The following MALRD1 variants were observed in gnomAD, a reference collection of about 807,000 sequenced individuals.
MALRD1 encodes MAM and LDL-receptor class A domain-containing protein 1.
MALRD1 carries 247 observed loss-of-function variants against 242.1 expected under a neutral mutation model. The observed-to-expected ratio is 1.02, with a 90% confidence interval of 0.92 to 1.13. MALRD1 has a LOEUF of 1.13. MALRD1 is among the 50% of genes most tolerant of loss of function. The probability of loss-of-function intolerance (pLI) is 0.00; values close to 1 mark genes in which losing one functional copy is unlikely to be tolerated. For missense variants in MALRD1, 2,989 were observed against 2,533.1 expected (o/e 1.18, Z -3.86); for synonymous variants, 995 against 866.6 (o/e 1.15, Z -2.60).
At chr10:19,521,394 A>C (rs1335680604) in intron 31 of MALRD1, among the ~76,000 whole-genome samples, 4 of 152,110 alleles carry the variant, frequency 2.6e-5, no homozygotes, top group Non-Finnish European at 5.9e-5. Flanking sequence ...TCTTAACCAA[A>C]AAAAGACAAA....
intron 24 of MALRD1, among the ~76,000 whole-genome samples, chr10:19,336,553 C>T (rs1352367734): frequency 6.6e-6 from 1 of 152,072 alleles, no homozygotes; most frequent in Non-Finnish European, 1.5e-5. Flanking sequence ...CTAGGGTATA[C>T]CTTCTGAATT....
chr10:19,228,349 A>G (rs923312027), intron 18 of MALRD1, among the ~76,000 whole-genome samples: 1 of 152,216 alleles, frequency 6.6e-6, no homozygotes, highest in African/African-American at 2.4e-5. Flanking sequence ...TGCAAACTGT[A>G]GAAACAGAAG....
chr10:19,048,280 C>T (rs1242036844), upstream of MALRD1, among the ~76,000 whole-genome samples: 1 of 152,146 alleles, frequency 6.6e-6, no homozygotes. Flanking sequence ...AAAATAATAA[C>T]ATCCAATGTC....
At position 19,257,689 on chromosome 10, in the gene MALRD1, G is replaced by T. The variant is rs533304766; in HGVS notation, c.2997G>T (p.Leu999Phe). 2.5e-4 allele frequency: 388 copies of T among 1,531,120 alleles called. 1 individual carries two copies. The African/African-American group carries it at 4.7e-3, about 19-fold the overall frequency. 94.8% of individuals were successfully genotyped at this position (1,531,120 alleles called of 1,614,324 possible). ...NISSRQPFQI[L>F]VEASVGDGFT... Reference sequence around the variant, plus strand: ...TTTTTATTTTATTTTTTTAGATATTGGTGGAGGCTTCAGTGGGAGATGGCT... The same window carrying T: ...TTTTTATTTTATTTTTTTAGATATTTGTGGAGGCTTCAGTGGGAGATGGCT... Residue 999 changes from leucine to phenylalanine, a missense_variant, in exon 19 of 40, where the codon TTG (leucine) becomes TTT (phenylalanine). Leu to Phe is a conservative substitution (Grantham distance 22). Transcript: ENST00000454679.
At chr10:19,638,602 G>A (rs1840252313) in intron 36 of MALRD1, among the ~76,000 whole-genome samples, 1 of 152,166 alleles carries the variant, frequency 6.6e-6, no homozygotes, top group African/African-American at 2.4e-5. Context: ...GTTTTTAAGA[G>A]AAGAGACCTA....
chr10:19,197,622 C>T (rs552968338), intron 14 of MALRD1, among the ~76,000 whole-genome samples: 49 of 152,304 alleles, frequency 3.2e-4, no homozygotes, highest in African/African-American at 1.2e-3. Flanking sequence ...CATAGCTCCA[C>T]AACTTGCTTC....
chr10:19,090,090 T>G (rs1359597451), intron 4 of MALRD1, among the ~76,000 whole-genome samples: 1 of 74,396 alleles, frequency 1.3e-5, no homozygotes, highest in East Asian at 4.0e-4. Flanking sequence ...TGGTTCCATA[T>G]GAACTTTAAA....
chr10:19,588,202 T>G (rs1837548771), intron 33 of MALRD1, among the ~76,000 whole-genome samples: 1 of 152,224 alleles, frequency 6.6e-6, no homozygotes, highest in Non-Finnish European at 1.5e-5. Flanking sequence ...ATGCTTTTAC[T>G]ATTTATGATT....
At chr10:19,734,083 T>C (rs1206133842) in intron 39 of MALRD1, 74 bp from the exon 40 acceptor site, 1 of 1,179,972 alleles carries the variant, frequency 8.5e-7, no homozygotes, top group African/African-American at 1.5e-5. Context: ...TGCTGCATTC[T>C]GCGTGATCTT....
chr10:19,195,018 C>A (rs1383633152), intron 14 of MALRD1, among the ~76,000 whole-genome samples: 9 of 152,044 alleles, frequency 5.9e-5, no homozygotes, highest in Non-Finnish European at 1.0e-4. Context: ...GTGATGAAAT[C>A]TCACGCTGTC....
At chr10:19,368,180 C>T (rs537745934) in intron 26 of MALRD1, among the ~76,000 whole-genome samples, 15 of 151,888 alleles carry the variant, frequency 9.9e-5, no homozygotes, top group Non-Finnish European at 2.2e-4. Context: ...TTTGGTCTTA[C>T]TCATGAATTG....
chr10:19,240,297 G>A (rs979604238), intron 18 of MALRD1, among the ~76,000 whole-genome samples: 5 of 151,926 alleles, frequency 3.3e-5, no homozygotes, highest in Non-Finnish European at 5.9e-5. Context: ...CACTATTAGT[G>A]TATAGAAACA....
At position 19,734,330 on chromosome 10, in the gene MALRD1, A is replaced by G. The variant is rs902171854; in HGVS notation, c.*93A>G. ...AGAAACTCATCTTCTACAATGGTAA[A>G]AAGAGAAAGGATTGTAAATGCCAGT... On this transcript the variant is annotated 3_prime_UTR_variant, in exon 40 of 40. Coordinates refer to ENST00000454679, the MANE Select transcript of MALRD1 (RefSeq NM_001142308.3). The G allele has an allele frequency of 4.7e-6, 5 of 1,056,236 alleles. No individual in the cohort carries two copies. The African/African-American group carries it at 4.8e-5, about 10-fold the overall frequency. The allele number at this position is 1,056,236 out of a possible 1,614,324, so 65.4% of individuals were successfully genotyped here.
intron 36 of MALRD1, among the ~76,000 whole-genome samples, chr10:19,618,777 C>T (rs965300720): frequency 2.0e-5 from 3 of 152,016 alleles, no homozygotes; most frequent in South Asian, 2.1e-4. Context: ...TTCACCTTTT[C>T]GTCTTGGCAG....
intron 1 of MALRD1, among the ~76,000 whole-genome samples, chr10:19,053,817 TA>T (rs1175752342): frequency 2.6e-5 from 4 of 151,728 alleles, no homozygotes; most frequent in Admixed American, 6.6e-5. Context: ...ACCTGTGCAT[TA>T]AAAAAAAGAA....
At chr10:19,274,505 CA>C (rs1458821488) in intron 19 of MALRD1, among the ~76,000 whole-genome samples, 3 of 152,050 alleles carry the variant, frequency 2.0e-5, no homozygotes, top group Non-Finnish European at 4.4e-5. Flanking sequence ...TATTCTCTAC[CA>C]TGTGAGGATA....
intron 5 of MALRD1, among the ~76,000 whole-genome samples, chr10:19,114,725 T>C (rs1286240673): frequency 6.6e-6 from 1 of 152,230 alleles, no homozygotes; most frequent in Non-Finnish European, 1.5e-5. Context: ...TAGTCTATTA[T>C]GGCTGCCATA....
chr10:19,176,430 A>G (rs953971027), intron 14 of MALRD1, among the ~76,000 whole-genome samples: 2 of 126,002 alleles, frequency 1.6e-5, no homozygotes, highest in Admixed American at 1.0e-4. Context: ...TGCGGACTGC[A>G]GTGGCGCAAT....
chr10:19,543,058 T>C (rs1393158781), intron 32 of MALRD1, among the ~76,000 whole-genome samples: 1 of 152,130 alleles, frequency 6.6e-6, no homozygotes, highest in African/African-American at 2.4e-5. Flanking sequence ...ATAAAGGAAC[T>C]TTTATCTGAG....
Sources: gnomAD v4.1 joint callset for allele counts (sites outside exome capture counted in the v4.1 genomes callset) on GRCh38, gnomAD v4.1.1 for gene constraint, MANE v1.5 for transcripts, NCBI Gene and HGNC (gene_info 2026-07-23, HGNC 2026-07-21) for gene names.